Variants in PTPN21 observed in about 807,000 individuals in gnomAD.
PTPN21 encodes the protein protein tyrosine phosphatase non-receptor type 21.
Under a neutral mutation model 131.8 loss-of-function variants are expected in PTPN21, and 77 were observed. The observed-to-expected ratio is 0.58, with a 90% CI of 0.49 to 0.71. The LOEUF is 0.71. PTPN21 is among the 30% of genes least tolerant of loss of function. The pLI, the probability that PTPN21 is intolerant of heterozygous loss-of-function variation, is 0.00. For missense variants in PTPN21, 1,552 were observed against 1,527.1 expected (o/e 1.02, Z -0.27); for synonymous variants, 715 against 621.3 (o/e 1.15, Z -2.24).
In PTPN21 at chr14:88,478,985, T is replaced by C; in HGVS notation, c.2446A>G (p.Lys816Glu). The C allele has an allele frequency of 6.3e-7, 1 of 1,581,712 alleles. No individual in the cohort carries two copies. Among genetic ancestry groups the C allele is most frequent in the Non-Finnish European group, 8.6e-7 (1 of 1,165,400 alleles). ...GAGAGAAGGTCCGACACCGGCCTTT[T>C]CTTCAGAGAGTCCCTCCGGGCTCGG... is the stretch of plus-strand genomic sequence containing the variant. ...RYRARRDSLK[K>E]RPVSDLLSGK... Residue 816 changes from lysine to glutamate, a missense_variant, in exon 13 of 19, where the codon AAA becomes GAA. Around this residue, in one of 4 missense-constraint regions of PTPN21, gnomAD observed 1,016 missense variants for 883.5 expected, o/e 1.15. Coordinates refer to ENST00000556564, the MANE Select transcript of PTPN21 (RefSeq NM_007039.4).
intron 13 of PTPN21, among the ~76,000 whole-genome samples, chr14:88,474,834 G>C (rs922632856): frequency 1.3e-5 from 2 of 152,198 alleles, no homozygotes; most frequent in African/African-American, 4.8e-5. Context: ...AGTTGACCAG[G>C]TGCGGGGGAT....
Position 88,505,286 on chromosome 14 carries a change from T to C in PTPN21, c.516+18A>G. 1 of 1,562,580 alleles carries C rather than the reference T, an allele frequency of 6.4e-7. No individual in the cohort carries two copies. Among genetic ancestry groups the C allele is most frequent in the Non-Finnish European group, 8.8e-7 (1 of 1,135,784 alleles). On this transcript the variant is annotated intron_variant, in intron 5 of 18. Transcript: ENST00000556564. ...AAACTGTTTCTTTTAAAAGGCCCAG[T>C]GTCAAAAGAAGTCTTACCACAGGAA...
chr14:88,553,893 G>C (rs1360100090), intron 1 of PTPN21, among the ~76,000 whole-genome samples: 1 of 152,104 alleles, frequency 6.6e-6, no homozygotes, highest in Non-Finnish European at 1.5e-5. Flanking sequence ...GACATTTTTA[G>C]AGTAATATCT....
chr14:88,469,531 T>G lies in PTPN21; in HGVS notation c.3203A>C (p.His1068Pro), dbSNP rs201610603. The G allele has an allele frequency of 4.2e-4, 680 of 1,614,146 alleles. 1 individual carries two copies. The highest frequency in any genetic ancestry group is 5.3e-4 in the Non-Finnish European group (620 of 1,179,984). ...TCCCTTGAGGTCTTCTGGACAGCCA[T>G]GTTCAGGCCAGTCTGTGTATTGGAG... Reference protein sequence around the residue: ...WHLQYTDWPEHGCPEDLKGFL... With the variant: ...WHLQYTDWPEPGCPEDLKGFL... Residue 1068 changes from histidine to proline, a missense_variant, in exon 17 of 19, where the codon CAT becomes CCT. His to Pro is a moderately conservative substitution (Grantham distance 77). Coordinates refer to ENST00000556564, the MANE Select transcript of PTPN21 (RefSeq NM_007039.4). The surrounding 1 kb of genome is among the most constrained non-coding windows in gnomAD (Gnocchi z 4.3).
At chr14:88,501,957 TC>T (rs1170552807) in intron 6 of PTPN21, among the ~76,000 whole-genome samples, 3 of 151,534 alleles carry the variant, frequency 2.0e-5, no homozygotes, top group African/African-American at 7.3e-5. Context: ...TGCATGCCAG[TC>T]TGGGCAACAA....
chr14:88,511,642 C>G (rs2078185765), intron 3 of PTPN21, among the ~76,000 whole-genome samples: 1 of 152,156 alleles, frequency 6.6e-6, no homozygotes, highest in South Asian at 2.1e-4. Context: ...GCACTCCAGC[C>G]TGGCAACCAA....
intron 2 of PTPN21, among the ~76,000 whole-genome samples, chr14:88,543,516 T>A (rs534097877): frequency 6.6e-6 from 1 of 152,342 alleles, no homozygotes; most frequent in Non-Finnish European, 1.5e-5. Context: ...TCCATGTTTA[T>A]CAATCTAAAT....
chr14:88,508,079 G>A (rs909312240), intron 3 of PTPN21, 59 bp from the exon 4 acceptor site: 7 of 861,052 alleles, frequency 8.1e-6, no homozygotes, highest in South Asian at 3.5e-5. Context: ...GAGATACAAT[G>A]CATTTAACCA....
At chr14:88,478,535 C>T (rs1009754580) in intron 13 of PTPN21, among the ~76,000 whole-genome samples, 1 of 152,190 alleles carries the variant, frequency 6.6e-6, no homozygotes, top group Admixed American at 6.5e-5. Context: ...AAATGCACCC[C>T]TGGGGTGCCA....
intron 6 of PTPN21, among the ~76,000 whole-genome samples, chr14:88,502,966 T>C (rs954275645): frequency 2.6e-5 from 4 of 152,144 alleles, no homozygotes; most frequent in African/African-American, 9.7e-5. Flanking sequence ...TTATTTTATT[T>C]GGAAGGGGAT....
intron 2 of PTPN21, among the ~76,000 whole-genome samples, chr14:88,534,841 C>T (rs1311900156): frequency 1.3e-5 from 2 of 152,054 alleles, no homozygotes; most frequent in African/African-American, 2.4e-5. Context: ...TGCGTCACTG[C>T]ACTCCAACCT....
intron 2 of PTPN21, among the ~76,000 whole-genome samples, chr14:88,538,132 G>A (rs970728810): frequency 6.6e-6 from 1 of 152,172 alleles, no homozygotes; most frequent in Non-Finnish European, 1.5e-5. Flanking sequence ...TATGCTCTAT[G>A]TGCTACCATA....
At chr14:88,500,993 A>C (rs2077999731) in intron 7 of PTPN21, 122 bp from the exon 8 acceptor site, 1 of 711,488 alleles carries the variant, frequency 1.4e-6, no homozygotes, top group African/African-American at 1.8e-5. Flanking sequence ...GTAACTATTC[A>C]GGAAGACAAA....
At chr14:88,508,246 C>G (rs892907154) in intron 3 of PTPN21, among the ~76,000 whole-genome samples, 1 of 151,476 alleles carries the variant, frequency 6.6e-6, no homozygotes, top group Admixed American at 6.6e-5. Flanking sequence ...CCTTCCTAAG[C>G]TTAGGTGATC....
rs2078320929 is a variant in PTPN21, at chr14:88,518,319, C to CGTATATATACACATATATGTGTATAAGT, written c.181-1086_181-1059dup. On this transcript the variant is annotated intron_variant, in intron 2 of 18. Transcript: ENST00000556564. ...ACACACACATATATGTGTATATATA[C>CGTATATATACACATATATGTGTATAAGT]GTATATATACACATATATGTGTATA... 3.9e-5 allele frequency among the ~76,000 whole-genome samples: 3 copies of CGTATATATACACATATATGTGTATAAGT among 76,964 alleles called. No homozygotes were observed. In the East Asian group the frequency reaches 1.3e-3, roughly 33 times the overall value. The allele number at this position is 76,964 out of a possible 152,430, so 50.5% of individuals were successfully genotyped here.
chr14:88,483,040 G>A (rs914064871), intron 12 of PTPN21, among the ~76,000 whole-genome samples: 10 of 151,488 alleles, frequency 6.6e-5, no homozygotes, highest in East Asian at 5.9e-4. Flanking sequence ...GTGAAACCCC[G>A]TCTCTACTAA....
At chr14:88,502,234 ACT>A (rs1178977522) in intron 6 of PTPN21, among the ~76,000 whole-genome samples, 2 of 151,840 alleles carry the variant, frequency 1.3e-5, no homozygotes, top group African/African-American at 2.4e-5. Context: ...GCCATCCCAA[ACT>A]CTGCATCTCT....
rs2079340131 is a variant in PTPN21, at chr14:88,517,147, A to G, written c.295T>C (p.Phe99Leu). Reference sequence around the variant, plus strand: ...GAAGGCACATAAAACACCACTCCAAAATAGACGGTAGGTTCCAATGCATAT... The same window carrying G: ...GAAGGCACATAAAACACCACTCCAAGATAGACGGTAGGTTCCAATGCATAT... ...DKYALEPTVY[F>L]GVVFYVPSVS... Residue 99 changes from phenylalanine to leucine, a missense_variant, in exon 3 of 19, where the codon TTT (phenylalanine) becomes CTT (leucine). Phe to Leu is a conservative substitution (Grantham distance 22). Transcript: ENST00000556564. 1 of 1,613,966 alleles carries G rather than the reference A, an allele frequency of 6.2e-7. No homozygotes were observed. The highest frequency in any genetic ancestry group is 1.3e-5 in the African/African-American group (1 of 74,918).
At chr14:88,510,446 A>G (rs1566833890) in intron 3 of PTPN21, among the ~76,000 whole-genome samples, 1 of 152,250 alleles carries the variant, frequency 6.6e-6, no homozygotes, top group Non-Finnish European at 1.5e-5. Flanking sequence ...ATTAAGCAAC[A>G]TGCTCAAATG....
Sources: allele counts gnomAD v4.1 joint callset (sites outside exome capture counted in the v4.1 genomes callset), GRCh38; gene constraint gnomAD v4.1.1; regional missense constraint gnomAD v4.1.1; non-coding constraint Gnocchi (gnomAD v3.1); transcripts MANE v1.5; gene names NCBI Gene and HGNC (gene_info 2026-07-23, HGNC 2026-07-21).